DLG2: variants seen among roughly 807,000 people sequenced by gnomAD.
The protein encoded by DLG2 is discs large MAGUK scaffold protein 2, also known as disks large homolog 2.
Under a neutral mutation model 132.5 loss-of-function variants are expected in DLG2, and 45 were observed. The ratio of observed to expected loss-of-function variants is 0.34; its 90% CI spans 0.27 to 0.44. The LOEUF is 0.44. DLG2 is among the 20% of genes least tolerant of loss of function. The pLI is 1.00. For missense variants in DLG2, 1,045 were observed against 1,196.9 expected (o/e 0.87, Z 1.87); for synonymous variants, 424 against 419.6 (o/e 1.01, Z -0.13).
intron 2 of DLG2, among the ~76,000 whole-genome samples, chr11:85,623,802 C>T (rs745665866): frequency 6.6e-5 from 10 of 152,290 alleles, no homozygotes; most frequent in East Asian, 1.9e-4. Flanking sequence ...TGGCAAATGA[C>T]GTACCTATCA....
At chr11:83,907,393 T>G (rs931818760) in intron 15 of DLG2, among the ~76,000 whole-genome samples, 1 of 151,970 alleles carries the variant, frequency 6.6e-6, no homozygotes, top group African/African-American at 2.4e-5. Flanking sequence ...GAGAATAGAA[T>G]TGAGAATACA....
At chr11:84,915,853 G>A (rs953606479) in intron 6 of DLG2, among the ~76,000 whole-genome samples, 1 of 152,020 alleles carries the variant, frequency 6.6e-6, no homozygotes, top group Non-Finnish European at 1.5e-5. Flanking sequence ...TTAATCATTT[G>A]TCATGTGCAA....
At chr11:85,313,377 T>A (rs2080437634) in intron 3 of DLG2, among the ~76,000 whole-genome samples, 1 of 151,996 alleles carries the variant, frequency 6.6e-6, no homozygotes, top group Non-Finnish European at 1.5e-5. Flanking sequence ...AAGAAATAAA[T>A]CCTTATTGTG....
At position 85,517,670 on chromosome 11, in the gene DLG2, C is replaced by G. The variant is rs76425741; in HGVS notation, c.40+80987G>C. Among the ~76,000 whole-genome samples, 1,388 of 151,782 alleles carry G rather than the reference C, an allele frequency of 9.1e-3. 19 individuals carry two copies. The highest frequency in any genetic ancestry group is 0.03 in the African/African-American group (1,240 of 41,364). ...TGTCACCCAGGCTGAAGTGCAATGG[C>G]ACAATCATAGCTCGCTCACTGCAGT... On this transcript the variant is annotated intron_variant, in intron 3 of 27. Coordinates refer to ENST00000376104, the MANE Select transcript of DLG2 (RefSeq NM_001142699.3).
intron 6 of DLG2, among the ~76,000 whole-genome samples, chr11:84,654,419 G>A (rs2099685777): frequency 1.3e-5 from 2 of 152,094 alleles, no homozygotes; most frequent in African/African-American, 4.8e-5. Context: ...TGGGGGGAGG[G>A]ACTATTTTTC....
At chr11:83,641,343 C>T (rs573531387) in intron 18 of DLG2, among the ~76,000 whole-genome samples, 2 of 152,324 alleles carry the variant, frequency 1.3e-5, no homozygotes, top group East Asian at 1.9e-4. Flanking sequence ...ACACTATTTA[C>T]ACCTCAATTT....
chr11:83,498,279 T>G (rs980794500), intron 21 of DLG2, among the ~76,000 whole-genome samples: 1 of 152,064 alleles, frequency 6.6e-6, no homozygotes, highest in South Asian at 2.1e-4. Flanking sequence ...TATAGTTCAA[T>G]AAATAGAAGC....
chr11:85,426,429 C>G (rs1354557714), intron 3 of DLG2, among the ~76,000 whole-genome samples: 1 of 152,172 alleles, frequency 6.6e-6, no homozygotes, highest in Non-Finnish European at 1.5e-5. Context: ...TGAGACAAAA[C>G]TTCCAGAGGA....
At chr11:85,404,888 C>T (rs561399067) in intron 3 of DLG2, among the ~76,000 whole-genome samples, 2 of 151,982 alleles carry the variant, frequency 1.3e-5, no homozygotes, top group Admixed American at 6.6e-5. Flanking sequence ...GGAAAGTAAT[C>T]GTGTTTTATA....
chr11:84,981,723 A>G (rs1234735733), intron 6 of DLG2, among the ~76,000 whole-genome samples: 2 of 152,092 alleles, frequency 1.3e-5, no homozygotes, highest in Non-Finnish European at 2.9e-5. Flanking sequence ...TCTCATGACT[A>G]TTACATCCTC....
intron 3 of DLG2, among the ~76,000 whole-genome samples, chr11:85,550,053 CCTTA>C (rs1179175122): frequency 6.6e-6 from 1 of 152,164 alleles, no homozygotes; most frequent in Non-Finnish European, 1.5e-5. Context: ...TCTTTTATTC[CCTTA>C]CTTTCTTAAT....
intron 4 of DLG2, among the ~76,000 whole-genome samples, chr11:85,182,470 C>T (rs1031566720): frequency 5.9e-5 from 9 of 151,844 alleles, no homozygotes; most frequent in African/African-American, 2.2e-4. Flanking sequence ...AATTGAACCA[C>T]TTACATTATA....
intron 10 of DLG2, among the ~76,000 whole-genome samples, chr11:84,073,037 G>T (rs1247455360): frequency 6.6e-6 from 1 of 152,168 alleles, no homozygotes; most frequent in Non-Finnish European, 1.5e-5. Context: ...TTGATTTGTG[G>T]TTTATGACTT....
intron 8 of DLG2, among the ~76,000 whole-genome samples, chr11:84,216,108 T>C (rs1404524104): frequency 6.6e-6 from 1 of 152,182 alleles, no homozygotes; most frequent in Admixed American, 6.5e-5. Flanking sequence ...CACCCATGGC[T>C]GTGTTCCTAA....
intron 19 of DLG2, among the ~76,000 whole-genome samples, chr11:83,624,821 A>G (rs1260534326): frequency 6.6e-6 from 1 of 152,200 alleles, no homozygotes; most frequent in African/African-American, 2.4e-5. Flanking sequence ...AAATCAGTAC[A>G]AAGTATAAAA....
At chr11:84,125,130 G>A (rs1198975094) in intron 9 of DLG2, among the ~76,000 whole-genome samples, 1 of 152,062 alleles carries the variant, frequency 6.6e-6, no homozygotes, top group African/African-American at 2.4e-5. Flanking sequence ...GATTACAGGT[G>A]TGAGCCACCG....
chr11:83,919,175 T>C (rs2077428858), intron 15 of DLG2, among the ~76,000 whole-genome samples: 1 of 152,158 alleles, frequency 6.6e-6, no homozygotes, highest in Non-Finnish European at 1.5e-5. Flanking sequence ...ACTCCAGCAA[T>C]TATAATGGTA....
At chr11:83,493,652 T>C (rs562392335) in intron 21 of DLG2, among the ~76,000 whole-genome samples, 4 of 152,234 alleles carry the variant, frequency 2.6e-5, no homozygotes, top group Non-Finnish European at 1.5e-5. Context: ...CTTGACTGTC[T>C]TCTACTAAAC....
intron 6 of DLG2, among the ~76,000 whole-genome samples, chr11:84,591,658 C>G (rs569651051): frequency 6.6e-6 from 1 of 151,412 alleles, no homozygotes; most frequent in South Asian, 2.1e-4. Flanking sequence ...AAGACTCCAT[C>G]TCAAAAAAAT....
Sources: allele counts gnomAD v4.1 joint callset (sites outside exome capture counted in the v4.1 genomes callset), GRCh38; gene constraint gnomAD v4.1.1; transcripts MANE v1.5; gene names NCBI Gene and HGNC (gene_info 2026-07-23, HGNC 2026-07-21).